APBA1: variants seen among roughly 807,000 people sequenced by gnomAD.
APBA1 encodes the protein amyloid beta precursor protein binding family A member 1.
Under a neutral mutation model 86.6 loss-of-function variants are expected in APBA1, and 55 were observed. That is an observed-to-expected ratio of 0.64 (90% CI 0.51 to 0.80). APBA1 has a LOEUF of 0.80. Among genes scored for constraint, APBA1 ranks in the 30% least tolerant of loss-of-function variants. The pLI is 0.00. For synonymous variants in APBA1, 511 were observed against 493.9 expected, an observed-to-expected ratio of 1.03 and a Z score of -0.46; for missense variants, 1,090 against 1,183.0, an observed-to-expected ratio of 0.92 and a Z score of 1.15.
chr9:69,496,410 G>C (rs866628562), intron 2 of APBA1, among the ~76,000 whole-genome samples: 1 of 152,096 alleles, frequency 6.6e-6, no homozygotes, highest in Non-Finnish European at 1.5e-5. Context: ...GAGACACAAA[G>C]GGCCTGTGAA....
chr9:69,658,306 C>T (rs112875206), intron 1 of APBA1, among the ~76,000 whole-genome samples: 4 of 70,856 alleles, frequency 5.6e-5, no homozygotes, highest in African/African-American at 7.9e-5. Context: ...CTCTCTCTCT[C>T]TTTCTTTCTT....
At chr9:69,469,453 G>T (rs541393801) in intron 4 of APBA1, among the ~76,000 whole-genome samples, 1 of 152,278 alleles carries the variant, frequency 6.6e-6, no homozygotes, top group Non-Finnish European at 1.5e-5. Flanking sequence ...AATTAAAAGT[G>T]TTTTAGGAAA....
intron 1 of APBA1, among the ~76,000 whole-genome samples, chr9:69,580,771 G>T (rs1210529410): frequency 6.6e-6 from 1 of 152,134 alleles, no homozygotes; most frequent in Admixed American, 6.5e-5. Flanking sequence ...GAATCCTGTG[G>T]CTATATAAAG....
intron 1 of APBA1, among the ~76,000 whole-genome samples, chr9:69,647,314 C>A (rs1023877745): frequency 6.6e-6 from 1 of 152,234 alleles, no homozygotes; most frequent in African/African-American, 2.4e-5. Context: ...CATGGACTCT[C>A]AAATCTGCAG....
intron 1 of APBA1, among the ~76,000 whole-genome samples, chr9:69,539,079 C>G (rs1300563103): frequency 6.6e-6 from 1 of 152,196 alleles, no homozygotes; most frequent in Non-Finnish European, 1.5e-5. Flanking sequence ...TTCTCTTTAT[C>G]CGTCAGACCT....
chr9:69,607,376 C>T (rs1369543937), intron 1 of APBA1, among the ~76,000 whole-genome samples: 2 of 152,044 alleles, frequency 1.3e-5, no homozygotes, highest in Non-Finnish European at 2.9e-5. Context: ...TGGGAAGGAC[C>T]CGCCCCCATG....
intron 10 of APBA1, among the ~76,000 whole-genome samples, chr9:69,442,572 A>G (rs1338187728): frequency 1.3e-5 from 2 of 152,204 alleles, no homozygotes; most frequent in African/African-American, 4.8e-5. Flanking sequence ...ATCCAAGCCC[A>G]CAGTATCGCT....
intron 1 of APBA1, among the ~76,000 whole-genome samples, chr9:69,552,209 A>C (rs1836794759): frequency 1.3e-5 from 2 of 152,226 alleles, no homozygotes; most frequent in Admixed American, 6.5e-5. Flanking sequence ...AAATGATAGC[A>C]CCAGTGTTTG....
chr9:69,626,749 G>T (rs1435861778), intron 1 of APBA1, among the ~76,000 whole-genome samples: 1 of 151,946 alleles, frequency 6.6e-6, no homozygotes, highest in African/African-American at 2.4e-5. Flanking sequence ...AGAAAAGAAA[G>T]AACTATTATG....
At chr9:69,651,980 G>T (rs964457616) in intron 1 of APBA1, among the ~76,000 whole-genome samples, 47 of 152,192 alleles carry the variant, frequency 3.1e-4, no homozygotes, top group Admixed American at 1.1e-3. Flanking sequence ...AACTCATATG[G>T]ATGGGGCCCT....
intron 10 of APBA1, among the ~76,000 whole-genome samples, chr9:69,441,467 G>A (rs1019313636): frequency 2.0e-5 from 3 of 152,186 alleles, no homozygotes; most frequent in South Asian, 2.1e-4. Context: ...AAAGATGAAG[G>A]AGGCACACTA....
intron 1 of APBA1, among the ~76,000 whole-genome samples, chr9:69,595,524 C>T (rs907025266): frequency 6.6e-6 from 1 of 152,164 alleles, no homozygotes; most frequent in Non-Finnish European, 1.5e-5. Context: ...ATTTTATATC[C>T]ATTATTGTCA....
intron 5 of APBA1, among the ~76,000 whole-genome samples, chr9:69,467,539 A>T (rs1385535783): frequency 6.6e-6 from 1 of 152,220 alleles, no homozygotes; most frequent in African/African-American, 2.4e-5. Flanking sequence ...TCAAAACGGC[A>T]TCCTTCCTCA....
chr9:69,570,363 A>G (rs1021100554), intron 1 of APBA1, among the ~76,000 whole-genome samples: 1 of 152,168 alleles, frequency 6.6e-6, no homozygotes, highest in Non-Finnish European at 1.5e-5. Context: ...AGAAAATACA[A>G]AGAAGTCACA....
intron 11 of APBA1, among the ~76,000 whole-genome samples, chr9:69,434,469 G>C (rs1171084320): frequency 1.3e-5 from 2 of 152,114 alleles, no homozygotes; most frequent in Non-Finnish European, 2.9e-5. Flanking sequence ...AGCACTTTGG[G>C]AGGCAGAGGC....
At chr9:69,583,218 C>T (rs971147621) in intron 1 of APBA1, among the ~76,000 whole-genome samples, 2 of 152,204 alleles carry the variant, frequency 1.3e-5, no homozygotes, top group Non-Finnish European at 2.9e-5. Flanking sequence ...ATGCTGCTTG[C>T]AAGCAGTTGT....
intron 1 of APBA1, among the ~76,000 whole-genome samples, chr9:69,666,908 TA>T (rs1167055760): frequency 6.6e-6 from 1 of 152,160 alleles, no homozygotes; most frequent in Non-Finnish European, 1.5e-5. Flanking sequence ...CTAGCTTACT[TA>T]AAAAAAGTTT....
intron 2 of APBA1, among the ~76,000 whole-genome samples, chr9:69,489,571 C>T (rs888051316): frequency 2.0e-5 from 3 of 152,088 alleles, no homozygotes; most frequent in Admixed American, 6.5e-5. Flanking sequence ...TCCCAACCTA[C>T]TCATCTGACA....
At chr9:69,467,066 A>C (rs1387433622) in intron 5 of APBA1, among the ~76,000 whole-genome samples, 3 of 152,126 alleles carry the variant, frequency 2.0e-5, no homozygotes, top group Non-Finnish European at 2.9e-5. Context: ...AACACACCTT[A>C]AGTGTTCCTG....
Sources: gnomAD v4.1 joint callset for allele counts (sites outside exome capture counted in the v4.1 genomes callset) on GRCh38, gnomAD v4.1.1 for gene constraint, MANE v1.5 for transcripts, NCBI Gene and HGNC (gene_info 2026-07-23, HGNC 2026-07-21) for gene names.